MKLN1: variants seen among roughly 807,000 people sequenced by gnomAD.
MKLN1 encodes muskelin 1, also known as muskelin.
A neutral mutation model predicts 99.0 loss-of-function variants in MKLN1; 18 were observed. That is an observed-to-expected ratio of 0.18 (90% CI 0.13 to 0.27). MKLN1 has a LOEUF of 0.27. Among genes scored for constraint, MKLN1 ranks in the 10% least tolerant of loss-of-function variants. The probability of loss-of-function intolerance (pLI) is 1.00; values close to 1 mark genes in which losing one functional copy is unlikely to be tolerated. For synonymous variants in MKLN1, 288 were observed against 293.2 expected, an observed-to-expected ratio of 0.98 and a Z score of 0.18; for missense variants, 621 against 875.9, an observed-to-expected ratio of 0.71 and a Z score of 3.67.
intron 6 of MKLN1, among the ~76,000 whole-genome samples, chr7:131,409,276 G>A (rs1249854899): frequency 2.0e-5 from 3 of 152,174 alleles, no homozygotes; most frequent in Non-Finnish European, 4.4e-5. Flanking sequence ...ATTAGCAAGC[G>A]TTTGCAAGAA....
intron 3 of MKLN1, among the ~76,000 whole-genome samples, chr7:131,220,850 G>A (rs1015396068): frequency 6.6e-6 from 1 of 152,156 alleles, no homozygotes; most frequent in Non-Finnish European, 1.5e-5. Context: ...TAGCAACAAG[G>A]AAGTGGGCCA....
chr7:131,327,304 T>C (rs537672005), upstream of MKLN1: 1 of 152,384 alleles, frequency 6.6e-6, no homozygotes, highest in Non-Finnish European at 1.5e-5. Context: ...ATGTTTACAA[T>C]GAAGGGCATC....
At chr7:131,373,862 C>CAGA (rs1793546762) in intron 1 of MKLN1, among the ~76,000 whole-genome samples, 7 of 152,224 alleles carry the variant, frequency 4.6e-5, no homozygotes, top group African/African-American at 1.7e-4. Context: ...TCCAAGATCC[C>CAGA]ACATTACATT....
intron 2 of MKLN1, among the ~76,000 whole-genome samples, chr7:131,143,741 T>G (rs1442097331): frequency 6.6e-6 from 1 of 152,038 alleles, no homozygotes; most frequent in Non-Finnish European, 1.5e-5. Context: ...GGCAGGAGGA[T>G]CACTTGAGAC....
chr7:131,238,508 G>T (rs1184518779), intron 3 of MKLN1, among the ~76,000 whole-genome samples: 1 of 152,198 alleles, frequency 6.6e-6, no homozygotes, highest in East Asian at 1.9e-4. Context: ...GCAGAGACAG[G>T]ATGACCAGTA....
Position 131,351,569 on chromosome 7 carries a change from C to T in MKLN1, c.98+23572C>T, listed in dbSNP as rs1799721281. On this transcript the variant is annotated intron_variant, in intron 1 of 17. Transcript: ENST00000352689. The stretch of plus-strand genomic sequence containing the variant: ...TTGAACCTCCTGGGCTCAAGTGGTC[C>T]TCCCACCTCAGCCTCCCAAGTAACT... 2.6e-5 allele frequency among the ~76,000 whole-genome samples: 4 copies of T among 152,174 alleles called. 1 individual carries two copies. The South Asian group carries it at 8.3e-4, about 32-fold the overall frequency.
At chr7:131,418,119 A>T (rs1461297039) in intron 8 of MKLN1, among the ~76,000 whole-genome samples, 3 of 152,210 alleles carry the variant, frequency 2.0e-5, no homozygotes, top group African/African-American at 7.2e-5. Context: ...CTGTAATCCC[A>T]GCATTTTGGG....
intron 2 of MKLN1, among the ~76,000 whole-genome samples, chr7:131,164,411 G>C (rs771382527): frequency 6.6e-6 from 1 of 152,044 alleles, no homozygotes; most frequent in African/African-American, 2.4e-5. Flanking sequence ...TGCCACACCC[G>C]GCCACTTATT....
At chr7:131,438,357 T>C (rs1423075470) in intron 10 of MKLN1, among the ~76,000 whole-genome samples, 2 of 151,586 alleles carry the variant, frequency 1.3e-5, no homozygotes, top group East Asian at 1.9e-4. Context: ...CTGTGAGAAA[T>C]GGAAATCACT....
At chr7:131,455,452 T>C (rs17165649) in intron 12 of MKLN1, among the ~76,000 whole-genome samples, 57,753 of 152,110 alleles carry the variant, frequency 0.38, 11,910 homozygotes, top group East Asian at 0.49. Flanking sequence ...AGGATTATCA[T>C]TGTAACTTCC....
At chr7:131,355,894 T>C (rs2116781631) in intron 1 of MKLN1, among the ~76,000 whole-genome samples, 1 of 152,072 alleles carries the variant, frequency 6.6e-6, no homozygotes, top group South Asian at 2.1e-4. Flanking sequence ...TTTTGGCATC[T>C]TCTAGTTGTA....
At chr7:131,144,107 C>T (rs1229579604) in intron 2 of MKLN1, among the ~76,000 whole-genome samples, 2 of 152,136 alleles carry the variant, frequency 1.3e-5, no homozygotes, top group Non-Finnish European at 2.9e-5. Context: ...TTTTGTTCAG[C>T]ACTAGATGCT....
At chr7:131,445,697 A>G in intron 11 of MKLN1, 77 bp from the exon 12 acceptor site, 1 of 1,267,256 alleles carries the variant, frequency 7.9e-7, no homozygotes, top group Non-Finnish European at 1.1e-6. Flanking sequence ...TAGAGGTTTA[A>G]GTTTTTAAAG....
chr7:131,484,722 G>GTAC (rs1797225437), intron 17 of MKLN1, among the ~76,000 whole-genome samples: 1 of 152,150 alleles, frequency 6.6e-6, no homozygotes, highest in African/African-American at 2.4e-5. Context: ...TGCTTAGACT[G>GTAC]TATACTTTCA....
In MKLN1 at chr7:131,490,110, G is replaced by A. The variant is rs946374062; in HGVS notation, c.*2382G>A. 7.9e-5 allele frequency: 12 copies of A among 152,534 alleles called. No homozygotes were observed. Among genetic ancestry groups the A allele is most frequent in the South Asian group, 4.1e-4 (2 of 4,830 alleles). 9.4% of individuals were successfully genotyped at this position (152,534 alleles called of 1,614,324 possible). On this transcript the variant is annotated 3_prime_UTR_variant, in exon 18 of 18. Coordinates refer to ENST00000352689, the MANE Select transcript of MKLN1 (RefSeq NM_013255.5). ...TCACAACATGTCACAATTTAGTGAG[G>A]AGCTACATGTATTTCCAAGAATTCC...
At chr7:131,243,325 G>T (rs1797435122) in intron 3 of MKLN1, among the ~76,000 whole-genome samples, 1 of 152,084 alleles carries the variant, frequency 6.6e-6, no homozygotes, top group South Asian at 2.1e-4. Flanking sequence ...TATGTCGGGA[G>T]ACAATCATGT....
chr7:131,217,376 C>T (rs370477116), intron 3 of MKLN1, among the ~76,000 whole-genome samples: 6 of 152,264 alleles, frequency 3.9e-5, no homozygotes, highest in African/African-American at 9.6e-5. Flanking sequence ...CCAGTTGGGC[C>T]GATTGTTGGG....
chr7:131,193,428 C>G (rs1054396443), intron 2 of MKLN1, among the ~76,000 whole-genome samples: 1 of 152,044 alleles, frequency 6.6e-6, no homozygotes, highest in Admixed American at 6.6e-5. Context: ...TGCAGTGGTG[C>G]GATCTCAGCT....
intron 2 of MKLN1, among the ~76,000 whole-genome samples, chr7:131,386,225 G>T (rs539800905): frequency 6.6e-6 from 1 of 152,094 alleles, no homozygotes; most frequent in African/African-American, 2.4e-5. Context: ...TGTTGGCCAG[G>T]CCGGTCTCAA....
Sources: allele counts gnomAD v4.1 joint callset (sites outside exome capture counted in the v4.1 genomes callset), GRCh38; gene constraint gnomAD v4.1.1; transcripts MANE v1.5; gene names NCBI Gene and HGNC (gene_info 2026-07-23, HGNC 2026-07-21).